Variants in DACH1 observed in about 807,000 individuals in gnomAD.
DACH1 encodes the protein dachshund family transcription factor 1.
In DACH1, 12 loss-of-function variants were observed where a neutral mutation model predicts 54.2. The observed-to-expected ratio is 0.22, with a 90% CI of 0.14 to 0.36. The LOEUF is 0.36. Among genes scored for constraint, DACH1 ranks in the 10% least tolerant of loss-of-function variants. The probability of loss-of-function intolerance (pLI) is 1.00; values close to 1 mark genes in which losing one functional copy is unlikely to be tolerated. For missense variants in DACH1, 805 were observed against 929.8 expected (o/e 0.87, Z 1.75); for synonymous variants, 386 against 366.2 (o/e 1.05, Z -0.62).
At chr13:71,689,967 T>C (rs1337182150) in intron 1 of DACH1, among the ~76,000 whole-genome samples, 3 of 152,208 alleles carry the variant, frequency 2.0e-5, no homozygotes, top group East Asian at 1.9e-4. Context: ...TCTTAGAATA[T>C]ATTAAGTATT....
At chr13:71,865,816 C>A (rs943880172) in intron 1 of DACH1, 106 bp downstream of exon 1, 8 of 1,313,894 alleles carry the variant, frequency 6.1e-6, no homozygotes, top group African/African-American at 1.6e-5. Context: ...CCGGGGCGCG[C>A]GGCTCGCGGG....
intron 4 of DACH1, among the ~76,000 whole-genome samples, chr13:71,562,525 C>G (rs1456990217): frequency 6.6e-6 from 1 of 152,024 alleles, no homozygotes; most frequent in African/African-American, 2.4e-5. Flanking sequence ...TAGGATACTA[C>G]AGAAAGATGG....
chr13:71,476,630 A>G (rs934857172), intron 8 of DACH1, among the ~76,000 whole-genome samples: 3 of 152,164 alleles, frequency 2.0e-5, no homozygotes, highest in Non-Finnish European at 4.4e-5. Context: ...ATATTTAAAA[A>G]AATAGATAAT....
intron 6 of DACH1, among the ~76,000 whole-genome samples, chr13:71,512,886 CT>C (rs963446875): frequency 6.6e-6 from 1 of 151,676 alleles, no homozygotes; most frequent in East Asian, 1.9e-4. Flanking sequence ...GAAGAATAAT[CT>C]TTTTTTAAAG....
rs186363565 is a variant in DACH1 at position 71,502,262 on chromosome 13, T to C, written c.1571-13114A>G. Among the ~76,000 whole-genome samples the C allele has an allele frequency of 2.1e-3, 324 of 152,268 alleles. 1 individual carries two copies. In the Middle Eastern group the frequency reaches 0.024, roughly 11 times the overall value. ...AAATTGACTACTACTGATACACTTATGATTATTTGTGATTATCTGTGATTA... is the reference window on the plus strand; with the variant it reads ...AAATTGACTACTACTGATACACTTACGATTATTTGTGATTATCTGTGATTA... On this transcript the variant is annotated intron_variant, in intron 6 of 10. Transcript: ENST00000613252.
intron 1 of DACH1, among the ~76,000 whole-genome samples, chr13:71,789,502 TA>T (rs1259483210): frequency 6.6e-6 from 1 of 152,088 alleles, no homozygotes; most frequent in African/African-American, 2.4e-5. Flanking sequence ...ATATATATAA[TA>T]AACATATCAA....
intron 6 of DACH1, among the ~76,000 whole-genome samples, chr13:71,539,293 A>G (rs1882993010): frequency 6.6e-6 from 1 of 152,160 alleles, no homozygotes; most frequent in Non-Finnish European, 1.5e-5. Context: ...TGCTCTTGAT[A>G]TTCAGAAAAA....
At chr13:71,816,974 T>C (rs748057106) in intron 1 of DACH1, among the ~76,000 whole-genome samples, 2 of 152,062 alleles carry the variant, frequency 1.3e-5, no homozygotes, top group Non-Finnish European at 2.9e-5. Context: ...GCTTGATGAC[T>C]GGGTGATGAA....
intron 3 of DACH1, among the ~76,000 whole-genome samples, chr13:71,589,746 C>A (rs994135505): frequency 1.3e-5 from 2 of 151,808 alleles, no homozygotes; most frequent in Non-Finnish European, 2.9e-5. Flanking sequence ...AACTTCAACC[C>A]CTTGCCTCAT....
chr13:71,548,654 C>T (rs967115680), intron 6 of DACH1, among the ~76,000 whole-genome samples: 10 of 152,100 alleles, frequency 6.6e-5, no homozygotes, highest in South Asian at 2.1e-4. Flanking sequence ...GTGGTGCTCA[C>T]GCCTGTAATC....
chr13:71,810,975 G>A (rs1887685835), intron 1 of DACH1, among the ~76,000 whole-genome samples: 2 of 151,990 alleles, frequency 1.3e-5, no homozygotes, highest in Admixed American at 1.3e-4. Context: ...GCATAGAGAG[G>A]CATTCTACTG....
chr13:71,547,564 A>C (rs1883539018), intron 6 of DACH1, among the ~76,000 whole-genome samples: 1 of 152,152 alleles, frequency 6.6e-6, no homozygotes. Context: ...ACTGTTATAC[A>C]CAGAAGTTAT....
intron 4 of DACH1, among the ~76,000 whole-genome samples, chr13:71,561,522 C>A (rs1884582552): frequency 6.6e-6 from 1 of 152,042 alleles, no homozygotes; most frequent in Admixed American, 6.6e-5. Context: ...CCAGCTGCTA[C>A]CAGAAGCTAT....
chr13:71,628,274 C>T (rs1310379913), intron 3 of DACH1, among the ~76,000 whole-genome samples: 1 of 151,994 alleles, frequency 6.6e-6, no homozygotes, highest in Admixed American at 6.6e-5. Flanking sequence ...TCCCCCATTA[C>T]CACATCCCTC....
intron 1 of DACH1, among the ~76,000 whole-genome samples, chr13:71,826,766 C>T (rs1390711416): frequency 6.6e-5 from 10 of 152,028 alleles, no homozygotes; most frequent in Admixed American, 3.3e-4. Context: ...TCCTTGAGGA[C>T]TCAGAAATTG....
intron 10 of DACH1, among the ~76,000 whole-genome samples, chr13:71,469,751 T>G (rs1341062148): frequency 6.6e-6 from 1 of 152,206 alleles, no homozygotes; most frequent in Non-Finnish European, 1.5e-5. Flanking sequence ...ATTTTAAAAT[T>G]CAGCATGTAT....
intron 1 of DACH1, among the ~76,000 whole-genome samples, chr13:71,799,415 A>C (rs953357287): frequency 1.3e-5 from 2 of 152,092 alleles, no homozygotes; most frequent in African/African-American, 4.8e-5. Context: ...CTATTATGCT[A>C]TTCTCTTTTT....
At chr13:71,614,449 A>T (rs1462669109) in intron 3 of DACH1, among the ~76,000 whole-genome samples, 1 of 152,170 alleles carries the variant, frequency 6.6e-6, no homozygotes, top group Non-Finnish European at 1.5e-5. Context: ...ATGCACATGG[A>T]GGAAAAAAAA....
chr13:71,641,016 A>T (rs997224712), intron 2 of DACH1, among the ~76,000 whole-genome samples: 1 of 151,948 alleles, frequency 6.6e-6, no homozygotes, highest in African/African-American at 2.4e-5. Flanking sequence ...CAAGTACCAC[A>T]TGGGGTCTGT....
Sources: allele counts gnomAD v4.1 joint callset (sites outside exome capture counted in the v4.1 genomes callset), GRCh38; gene constraint gnomAD v4.1.1; transcripts MANE v1.5; gene names NCBI Gene and HGNC (gene_info 2026-07-23, HGNC 2026-07-21).